PLXNC1: variants seen among roughly 807,000 people sequenced by gnomAD.
PLXNC1 encodes the protein plexin C1.
In PLXNC1, 75 loss-of-function variants were observed where a neutral mutation model predicts 178.2. The ratio of observed to expected loss-of-function variants is 0.42; its 90% CI spans 0.35 to 0.51. PLXNC1 has a LOEUF of 0.51. PLXNC1 is among the 20% of genes least tolerant of loss of function. The pLI is 0.02. For missense variants in PLXNC1, 1,503 were observed against 1,984.4 expected (o/e 0.76, Z 4.61); for synonymous variants, 790 against 779.9 (o/e 1.01, Z -0.22).
At chr12:94,271,665 A>T (rs1001895108) in intron 21 of PLXNC1, among the ~76,000 whole-genome samples, 1 of 152,162 alleles carries the variant, frequency 6.6e-6, no homozygotes, top group Non-Finnish European at 1.5e-5. Flanking sequence ...GCCCTCGCAT[A>T]TTTGTGGTGA....
chr12:94,253,298 C>T (rs1964752772), intron 15 of PLXNC1, among the ~76,000 whole-genome samples: 1 of 146,196 alleles, frequency 6.8e-6, no homozygotes, highest in Non-Finnish European at 1.5e-5. Flanking sequence ...ACAGCTAGTA[C>T]AGGCAGTTGC....
Position 94,282,239 on chromosome 12 carries a change from GAAAGT to G in PLXNC1, c.3776-53_3776-49del, listed in dbSNP as rs1966491874. On this transcript the variant is annotated intron_variant, in intron 22 of 30. Coordinates refer to ENST00000258526, the MANE Select transcript of PLXNC1 (RefSeq NM_005761.3). ...AAGTTTTAGTTATCCATAAATTTGT[GAAAGT>G]AAAGTGGTGGCATTTTAAAACTCTC... is the stretch of plus-strand genomic sequence containing the variant. The G allele has an allele frequency of 6.8e-6, 8 of 1,172,840 alleles. No homozygotes were observed. In the South Asian group the frequency reaches 8.9e-5, roughly 13 times the overall value. The allele number at this position is 1,172,840 out of a possible 1,614,324, so 72.7% of individuals were successfully genotyped here.
intron 20 of PLXNC1, chr12:94,262,465 T>C (rs1188518345): frequency 6.0e-5 from 59 of 985,024 alleles, no homozygotes; most frequent in Non-Finnish European, 7.0e-5. Context: ...GTTCAGAAAA[T>C]CTGGGCTGCG....
At chr12:94,304,777 C>T (rs1384199682) in intron 30 of PLXNC1, among the ~76,000 whole-genome samples, 5 of 152,166 alleles carry the variant, frequency 3.3e-5, no homozygotes, top group African/African-American at 1.2e-4. Flanking sequence ...GGAGGGACTA[C>T]ACTGCCCAGA....
chr12:94,226,488 A>ATT (rs62973962), intron 7 of PLXNC1, 117 bp from the exon 8 acceptor site: 11,094 of 536,026 alleles, frequency 0.021, 129 homozygotes, highest in African/African-American at 0.068. Flanking sequence ...CTGTCCAGGG[A>ATT]TTTTTTTTTT....
chr12:94,253,897 T>C (rs77002302), intron 15 of PLXNC1, among the ~76,000 whole-genome samples: 5,278 of 152,138 alleles, frequency 0.035, 166 homozygotes, highest in African/African-American at 0.089. Context: ...CAGGCTGATC[T>C]CAAACCCCTA....
Position 94,232,263 on chromosome 12 carries a change from AT to A in PLXNC1, c.1980+5033del, listed in dbSNP as rs375591599. ...CACCATGCCCAGCTAATTTTTTCCA[AT>A]TTTTAGTAGAGACAGGGTTTCACCA... is the stretch of plus-strand genomic sequence containing the variant. On this transcript the variant is annotated intron_variant, in intron 9 of 30. Coordinates refer to ENST00000258526, the MANE Select transcript of PLXNC1 (RefSeq NM_005761.3). 1.5e-3 allele frequency among the ~76,000 whole-genome samples: 229 copies of A among 152,024 alleles called. 1 individual carries two copies. The highest frequency in any genetic ancestry group is 5.5e-3 in the African/African-American group (226 of 41,454).
Position 94,287,558 on chromosome 12 carries a change from ACTT to A in PLXNC1, c.3879+5159_3879+5161del, listed in dbSNP as rs573414749. The stretch of plus-strand genomic sequence containing the variant: ...GCAGGAAATTTTCTCTAAAGATTAC[ACTT>A]CGAGTTCTGAGCTGCAAGGTTTTGA... On this transcript the variant is annotated intron_variant, in intron 23 of 30. Transcript: ENST00000258526. 2.5e-3 allele frequency among the ~76,000 whole-genome samples: 382 copies of A among 152,304 alleles called. 1 individual carries two copies. Among genetic ancestry groups the A allele is most frequent in the African/African-American group, 8.4e-3 (348 of 41,564 alleles).
At chr12:94,171,992 A>T (rs911030466) in intron 2 of PLXNC1, among the ~76,000 whole-genome samples, 2 of 152,158 alleles carry the variant, frequency 1.3e-5, no homozygotes, top group African/African-American at 4.8e-5. Context: ...CCCTGAATTT[A>T]CCCAGAATCC....
At chr12:94,281,008 G>T (rs190944605) in intron 22 of PLXNC1, among the ~76,000 whole-genome samples, 170 of 152,322 alleles carry the variant, frequency 1.1e-3, no homozygotes, top group African/African-American at 4.0e-3. Context: ...GCTGGACGTG[G>T]TGGCTCACGC....
intron 21 of PLXNC1, among the ~76,000 whole-genome samples, chr12:94,273,923 G>A (rs1167662088): frequency 2.0e-5 from 3 of 151,998 alleles, no homozygotes; most frequent in Non-Finnish European, 4.4e-5. Flanking sequence ...ACATTCCGTG[G>A]TGTCAGAGCT....
chr12:94,262,768 C>T, intron 20 of PLXNC1: 1 of 985,452 alleles, frequency 1.0e-6, no homozygotes, highest in Non-Finnish European at 1.2e-6. Flanking sequence ...CGCCAGGTAA[C>T]TTTCCCTTCC....
At chr12:94,268,647 TGCAGTGGC>T (rs371830779) in intron 21 of PLXNC1, among the ~76,000 whole-genome samples, 52 of 136,084 alleles carry the variant, frequency 3.8e-4, no homozygotes, top group African/African-American at 1.4e-3. Flanking sequence ...CAGGCTGGAG[TGCAGTGGC>T]GCAGTCTTGG....
intron 4 of PLXNC1, among the ~76,000 whole-genome samples, chr12:94,207,546 CT>C (rs1230495204): frequency 6.6e-6 from 1 of 152,086 alleles, no homozygotes; most frequent in East Asian, 1.9e-4. Flanking sequence ...TATTGAAACC[CT>C]AGTATTTGCA....
chr12:94,174,626 G>GA (rs1233782269), intron 2 of PLXNC1, among the ~76,000 whole-genome samples: 1 of 152,114 alleles, frequency 6.6e-6, no homozygotes, highest in African/African-American at 2.4e-5. Context: ...GAATGTCAGA[G>GA]AAAAAAATCT....
chr12:94,251,088 G>C (rs1386999065), intron 14 of PLXNC1, among the ~76,000 whole-genome samples: 1 of 39,476 alleles, frequency 2.5e-5, no homozygotes, highest in Non-Finnish European at 7.3e-5. Context: ...TAGAATAAAG[G>C]GCAGGCAGGG....
intron 23 of PLXNC1, among the ~76,000 whole-genome samples, chr12:94,291,368 C>A (rs1003785852): frequency 1.3e-5 from 2 of 152,118 alleles, no homozygotes; most frequent in African/African-American, 4.8e-5. Context: ...GGACTACAGG[C>A]GTGTGCCACA....
chr12:94,248,257 A>G lies in PLXNC1; in HGVS notation c.2623A>G (p.Lys875Glu), dbSNP rs754208495. 1 of 1,609,358 alleles carries G rather than the reference A, an allele frequency of 6.2e-7. No homozygotes were observed. The highest frequency in any genetic ancestry group is 8.5e-7 in the Non-Finnish European group (1 of 1,178,592). The part of the protein sequence containing the change: ...KENDNFNISK[K>E]DIEITLFHGE... ...AAATGACAACTTCAACATTTCCAAA[A>G]AAGACATTGAAATTACTCTCTTCCA... The change falls in exon 14 of 31, where the codon AAA (lysine) becomes GAA (glutamate). Residue 875 changes from lysine to glutamate, a missense_variant. Physicochemically the swap from Lys to Glu is moderately conservative, Grantham distance 56. Coordinates refer to ENST00000258526, the MANE Select transcript of PLXNC1 (RefSeq NM_005761.3).
rs1963942967 is a variant in PLXNC1 at position 94,226,501 on chromosome 12, T to TTTC, written c.1791-102_1791-101insCTT. 4.1e-6 allele frequency: 3 copies of TTTC among 723,844 alleles called. No homozygotes were observed. The East Asian group carries it at 8.1e-5, about 20-fold the overall frequency. 44.8% of individuals were successfully genotyped at this position (723,844 alleles called of 1,614,324 possible). ...GTCTGTCCAGGGATTTTTTTTTTTT[T>TTTC]TTGCCTTCTTTTAAATGCTTGCATG... On this transcript the variant is annotated intron_variant, in intron 7 of 30. Coordinates refer to ENST00000258526, the MANE Select transcript of PLXNC1 (RefSeq NM_005761.3).
Sources: gnomAD v4.1 joint callset for allele counts (sites outside exome capture counted in the v4.1 genomes callset) on GRCh38, gnomAD v4.1.1 for gene constraint, MANE v1.5 for transcripts, NCBI Gene and HGNC (gene_info 2026-07-23, HGNC 2026-07-21) for gene names.